The following ROBO2 variants were observed in gnomAD, a reference collection of about 807,000 sequenced individuals.
ROBO2 encodes roundabout homolog 2.
A neutral mutation model predicts 160.8 loss-of-function variants in ROBO2; 53 were observed. The observed-to-expected ratio is 0.33, with a 90% CI of 0.26 to 0.41. ROBO2 has a LOEUF of 0.41. Ranked by LOEUF, ROBO2 falls within the 10% of genes least tolerant of loss-of-function variation. ROBO2 has a pLI of 1.00. For missense variants in ROBO2, 1,577 were observed against 1,722.4 expected, an observed-to-expected ratio of 0.92 and a Z score of 1.49; for synonymous variants, 664 against 611.7, an observed-to-expected ratio of 1.09 and a Z score of -1.26.
At position 76,889,937 on chromosome 3, in the gene ROBO2, A is replaced by C. The variant is rs142689276; in HGVS notation, c.110-208077A>C. Among the ~76,000 whole-genome samples, 1,441 of 152,226 alleles carry C rather than the reference A, an allele frequency of 9.5e-3. 13 individuals carry two copies. The highest frequency in any genetic ancestry group is 0.02 in the Middle Eastern group (6 of 294). On this transcript the variant is annotated intron_variant, in intron 2 of 26. Transcript: ENST00000487694. The stretch of plus-strand genomic sequence containing the variant: ...AGTGCAGATTGCTCAGAGTGGAGGA[A>C]ATGGGCTATGCAAGAGACCTGAGAG...
At chr3:76,088,741 C>T (rs1375262060) in intron 2 of ROBO2, among the ~76,000 whole-genome samples, 4 of 151,974 alleles carry the variant, frequency 2.6e-5, no homozygotes, top group African/African-American at 4.8e-5. Flanking sequence ...AAATTTACAG[C>T]ATCGAATGAA....
At chr3:77,603,584 A>C (rs2094471910) in intron 20 of ROBO2, among the ~76,000 whole-genome samples, 1 of 152,214 alleles carries the variant, frequency 6.6e-6, no homozygotes, top group Non-Finnish European at 1.5e-5. Flanking sequence ...AAAACCATAT[A>C]ATCTTTGATA....
intron 4 of ROBO2, among the ~76,000 whole-genome samples, chr3:77,491,661 C>T (rs2086126229): frequency 1.3e-5 from 2 of 152,146 alleles, no homozygotes; most frequent in African/African-American, 4.8e-5. Flanking sequence ...CTAATTTATT[C>T]AGGGCGTCTA....
chr3:77,363,299 T>C (rs1425225612), intron 2 of ROBO2, among the ~76,000 whole-genome samples: 2 of 152,156 alleles, frequency 1.3e-5, no homozygotes, highest in Non-Finnish European at 2.9e-5. Context: ...AGCAAGAAGA[T>C]TATTGTTGAA....
At chr3:77,238,117 T>C (rs1294589239) in intron 2 of ROBO2, among the ~76,000 whole-genome samples, 5 of 152,212 alleles carry the variant, frequency 3.3e-5, no homozygotes, top group Admixed American at 6.5e-5. Flanking sequence ...GGGTTCTTTA[T>C]ATACTTGCAT....
rs568267062 is a variant in ROBO2, at chr3:77,296,785, G to A, written c.389-180629G>A. On this transcript the variant is annotated intron_variant, in intron 2 of 25. Coordinates refer to ENST00000461745, the Ensembl canonical transcript of ROBO2. ...AGGACAAAAGAGGAGGGACCTGGGA[G>A]AGAGGCGTGTGCAACATGAGACTGA... Among the ~76,000 whole-genome samples the A allele has an allele frequency of 8.5e-5, 13 of 152,268 alleles. No individual in the cohort carries two copies. In the South Asian group the frequency reaches 2.7e-3, roughly 32 times the overall value.
chr3:76,643,075 G>C (rs1157884847), intron 2 of ROBO2, among the ~76,000 whole-genome samples: 1 of 152,118 alleles, frequency 6.6e-6, no homozygotes, highest in Non-Finnish European at 1.5e-5. Context: ...AGGTCTTTCT[G>C]TATTAAAAGA....
At chr3:76,626,949 C>A (rs1284312034) in intron 2 of ROBO2, among the ~76,000 whole-genome samples, 2 of 152,146 alleles carry the variant, frequency 1.3e-5, no homozygotes, top group Admixed American at 6.5e-5. Flanking sequence ...CTCGGCCTCC[C>A]AAAGTGCTGG....
At chr3:76,350,266 G>T (rs956123230) in intron 2 of ROBO2, among the ~76,000 whole-genome samples, 6 of 151,970 alleles carry the variant, frequency 3.9e-5, no homozygotes, top group Non-Finnish European at 7.4e-5. Flanking sequence ...GGAGATAATT[G>T]CTTTGCTTTG....
rs376357191 is a variant in ROBO2 at position 76,444,991 on chromosome 3, A to C, written c.109+507389A>C. Among the ~76,000 whole-genome samples the C allele has an allele frequency of 7.2e-5, 11 of 152,180 alleles. No homozygotes were observed. The East Asian group carries it at 1.5e-3, about 21-fold the overall frequency. ...TTGTTTTTTCCCTGAGGTTTTTTGG[A>C]AATATGAAACATGCAGAATCAACAT... On this transcript the variant is annotated intron_variant, in intron 2 of 26. Transcript: ENST00000487694.
chr3:76,712,063 G>A (rs902593450), intron 2 of ROBO2, among the ~76,000 whole-genome samples: 1 of 152,206 alleles, frequency 6.6e-6, no homozygotes, highest in African/African-American at 2.4e-5. Context: ...GGGAAAAAGA[G>A]TAGGCTTGCA....
intron 2 of ROBO2, among the ~76,000 whole-genome samples, chr3:76,384,320 G>A (rs1026556975): frequency 1.3e-5 from 2 of 152,118 alleles, no homozygotes; most frequent in Non-Finnish European, 2.9e-5. Flanking sequence ...TTATAGACAA[G>A]AAGCACATAC....
intron 2 of ROBO2, among the ~76,000 whole-genome samples, chr3:76,474,119 T>G (rs9860995): frequency 0.051 from 7,799 of 152,202 alleles, 651 homozygotes; most frequent in African/African-American, 0.17. Context: ...CATAATTGAA[T>G]TATAAATACT....
intron 2 of ROBO2, among the ~76,000 whole-genome samples, chr3:76,566,548 T>G: frequency 6.6e-6 from 1 of 152,178 alleles, no homozygotes; most frequent in Admixed American, 6.5e-5. Context: ...GAATCTAGTT[T>G]AGTTTTTAAA....
intron 2 of ROBO2, among the ~76,000 whole-genome samples, chr3:75,956,910 T>C (rs890102340): frequency 2.0e-5 from 3 of 151,620 alleles, no homozygotes; most frequent in African/African-American, 7.3e-5. Flanking sequence ...TAGATATCTC[T>C]TTCTTTCTTT....
intron 2 of ROBO2, among the ~76,000 whole-genome samples, chr3:76,269,587 G>GAAA (rs34448121): frequency 2.1e-5 from 3 of 144,282 alleles, no homozygotes; most frequent in African/African-American, 2.5e-5. Flanking sequence ...ATGGTTAAAT[G>GAAA]AAAAAAAAAA....
At chr3:77,106,886 G>A (rs927943339) in intron 2 of ROBO2, among the ~76,000 whole-genome samples, 2 of 152,162 alleles carry the variant, frequency 1.3e-5, no homozygotes, top group Non-Finnish European at 2.9e-5. Flanking sequence ...GCATTACTGA[G>A]CCCCAGGTTG....
At chr3:76,686,787 C>A (rs2092695228) in intron 2 of ROBO2, among the ~76,000 whole-genome samples, 1 of 151,702 alleles carries the variant, frequency 6.6e-6, no homozygotes, top group African/African-American at 2.4e-5. Flanking sequence ...GCAAGAGACC[C>A]CCATCTCAAA....
chr3:76,905,840 A>T (rs757147132), intron 2 of ROBO2, among the ~76,000 whole-genome samples: 2 of 152,186 alleles, frequency 1.3e-5, no homozygotes, highest in Non-Finnish European at 2.9e-5. Flanking sequence ...AAAGACTTTG[A>T]TGTAAATATT....
Sources: gnomAD v4.1 joint callset for allele counts (sites outside exome capture counted in the v4.1 genomes callset) on GRCh38, gnomAD v4.1.1 for gene constraint, MANE v1.5 for transcripts, NCBI Gene and HGNC (gene_info 2026-07-23, HGNC 2026-07-21) for gene names.